RNGTT: variants seen among roughly 807,000 people sequenced by gnomAD.
RNGTT encodes the protein RNA guanylyltransferase and 5'-phosphatase.
A neutral mutation model predicts 79.3 loss-of-function variants in RNGTT; 33 were observed. The ratio of observed to expected loss-of-function variants is 0.42; its 90% CI spans 0.32 to 0.56. The LOEUF (loss-of-function observed/expected upper bound fraction) is 0.56. Among genes scored for constraint, RNGTT ranks in the 20% least tolerant of loss-of-function variants. The pLI is 0.17. For missense variants in RNGTT, 497 were observed against 739.1 expected (o/e 0.67, Z 3.80); for synonymous variants, 222 against 235.9 (o/e 0.94, Z 0.54).
At chr6:88,746,666 G>T (rs1204375574) in intron 13 of RNGTT, among the ~76,000 whole-genome samples, 1 of 152,198 alleles carries the variant, frequency 6.6e-6, no homozygotes, top group African/African-American at 2.4e-5. Flanking sequence ...TCTGACAGGA[G>T]GTAGAGCTCA....
intron 14 of RNGTT, among the ~76,000 whole-genome samples, chr6:88,627,046 T>C (rs770485793): frequency 6.6e-6 from 1 of 151,414 alleles, no homozygotes; most frequent in Non-Finnish European, 1.5e-5. Flanking sequence ...ACCATTAACA[T>C]GAGGAGGAGG....
chr6:88,901,807 AT>A (rs1783478667), intron 6 of RNGTT, among the ~76,000 whole-genome samples: 1 of 152,026 alleles, frequency 6.6e-6, no homozygotes, highest in Admixed American at 6.6e-5. Flanking sequence ...AACCACCCTG[AT>A]TTTTATACTC....
At chr6:88,798,158 C>G (rs1779661932) in intron 12 of RNGTT, among the ~76,000 whole-genome samples, 1 of 151,774 alleles carries the variant, frequency 6.6e-6, no homozygotes, top group Non-Finnish European at 1.5e-5. Context: ...CTTCATTATT[C>G]TGAATATAAA....
intron 14 of RNGTT, among the ~76,000 whole-genome samples, chr6:88,648,240 T>C (rs1030382846): frequency 2.6e-5 from 4 of 152,138 alleles, no homozygotes; most frequent in African/African-American, 9.7e-5. Flanking sequence ...GCAATGACCA[T>C]TTATTACTAG....
intron 1 of RNGTT, 96 bp from the exon 2 acceptor site, chr6:88,941,276 C>CTT: frequency 1.2e-6 from 1 of 831,500 alleles, no homozygotes; most frequent in Non-Finnish European, 1.9e-6. Flanking sequence ...TTCTTAAAAC[C>CTT]TTTTTTTTTG....
intron 13 of RNGTT, among the ~76,000 whole-genome samples, chr6:88,750,044 G>C (rs1777791054): frequency 6.6e-6 from 1 of 152,056 alleles, no homozygotes; most frequent in Admixed American, 6.6e-5. Flanking sequence ...AAGGACATGA[G>C]TCATTGGATT....
chr6:88,854,693 T>C (rs145093780), intron 8 of RNGTT, among the ~76,000 whole-genome samples: 3 of 152,218 alleles, frequency 2.0e-5, no homozygotes, highest in Non-Finnish European at 4.4e-5. Context: ...AACACAGCCA[T>C]AAGATTTTCA....
At chr6:88,824,728 ATTGAAAACACGTTTG>A (rs1780599198) in intron 11 of RNGTT, among the ~76,000 whole-genome samples, 1 of 151,634 alleles carries the variant, frequency 6.6e-6, no homozygotes, top group Non-Finnish European at 1.5e-5. Flanking sequence ...CCTGCAATAA[ATTGAAAACACGTTTG>A]TTTTCTTTTT....
chr6:88,674,774 A>G (rs1774796280), intron 14 of RNGTT, among the ~76,000 whole-genome samples: 2 of 152,144 alleles, frequency 1.3e-5, no homozygotes, highest in African/African-American at 4.8e-5. Flanking sequence ...AAAACTATGT[A>G]ACAACAACAA....
At chr6:88,707,145 A>G (rs1776155222) in intron 13 of RNGTT, among the ~76,000 whole-genome samples, 1 of 152,200 alleles carries the variant, frequency 6.6e-6, no homozygotes, top group Non-Finnish European at 1.5e-5. Context: ...TTATTGTATC[A>G]GTCAATAAGA....
intron 11 of RNGTT, among the ~76,000 whole-genome samples, chr6:88,809,318 G>A (rs974161365): frequency 7.2e-5 from 11 of 151,760 alleles, no homozygotes; most frequent in South Asian, 2.1e-4. Flanking sequence ...CTGAGCAAAC[G>A]ACTGGACAAA....
chr6:88,780,420 T>TTTA (rs1371554926), intron 12 of RNGTT, among the ~76,000 whole-genome samples: 1 of 152,172 alleles, frequency 6.6e-6, no homozygotes, highest in East Asian at 1.9e-4. Flanking sequence ...GAAATAAATA[T>TTTA]TTATGATTTA....
chr6:88,845,187 G>A (rs1238426386), intron 10 of RNGTT, among the ~76,000 whole-genome samples: 1 of 151,388 alleles, frequency 6.6e-6, no homozygotes, highest in African/African-American at 2.5e-5. Flanking sequence ...GTTTTTTGTT[G>A]TTTAAAGTGC....
rs530633592 is a variant in RNGTT at position 88,793,563 on chromosome 6, T to C, written c.1338+8001A>G. On this transcript the variant is annotated intron_variant, in intron 12 of 15. Transcript: ENST00000369485. Reference sequence around the variant, plus strand: ...ATAAAAGATATAAAAGTGAAAAGTCTATTGAAATGATGGTAGGATGGCCAG... The same window carrying C: ...ATAAAAGATATAAAAGTGAAAAGTCCATTGAAATGATGGTAGGATGGCCAG... 1.3e-3 allele frequency among the ~76,000 whole-genome samples: 203 copies of C among 152,330 alleles called. 3 individuals carry two copies. In the Middle Eastern group the frequency reaches 0.014, roughly 10 times the overall value.
chr6:88,941,067 T>C lies in RNGTT; in HGVS notation c.174+4A>G. 1 of 1,577,178 alleles carries C rather than the reference T, an allele frequency of 6.3e-7. No homozygotes were observed. Among genetic ancestry groups the C allele is most frequent in the Non-Finnish European group, 8.7e-7 (1 of 1,150,252 alleles). On this transcript the variant is annotated splice_donor_region_variant and intron_variant, in intron 2 of 15. Coordinates refer to ENST00000369485, the MANE Select transcript of RNGTT (RefSeq NM_003800.5). Reference sequence around the variant, plus strand: ...CAGTGACAAAAATAAATTTTGTTTCTTACCTTTAGGCTCTTTAGGTAATTT... The same window carrying C: ...CAGTGACAAAAATAAATTTTGTTTCCTACCTTTAGGCTCTTTAGGTAATTT...
chr6:88,699,968 A>G (rs1437607323), intron 13 of RNGTT, among the ~76,000 whole-genome samples: 2 of 152,190 alleles, frequency 1.3e-5, no homozygotes, highest in African/African-American at 4.8e-5. Flanking sequence ...GTTTGGGATG[A>G]TGAGAAAGTT....
chr6:88,822,829 A>G (rs1405737512), intron 11 of RNGTT, among the ~76,000 whole-genome samples: 1 of 152,216 alleles, frequency 6.6e-6, no homozygotes, highest in East Asian at 1.9e-4. Flanking sequence ...TTTTTGACAA[A>G]GGTGTCCAGG....
At chr6:88,779,782 CAG>C (rs1779001492) in intron 12 of RNGTT, among the ~76,000 whole-genome samples, 2 of 152,162 alleles carry the variant, frequency 1.3e-5, no homozygotes, top group Admixed American at 1.3e-4. Context: ...CACCTGAGGT[CAG>C]GAGTTCAAGA....
At chr6:88,843,928 A>G (rs567032760) in intron 11 of RNGTT, among the ~76,000 whole-genome samples, 19 of 149,010 alleles carry the variant, frequency 1.3e-4, no homozygotes, top group Non-Finnish European at 2.2e-4. Context: ...GTGTGTGTGT[A>G]TATATATCTA....
Sources: allele counts gnomAD v4.1 joint callset (sites outside exome capture counted in the v4.1 genomes callset), GRCh38; gene constraint gnomAD v4.1.1; transcripts MANE v1.5; gene names NCBI Gene and HGNC (gene_info 2026-07-23, HGNC 2026-07-21).